Variants in KIF26B observed in about 807,000 individuals in gnomAD.
KIF26B encodes kinesin family member 26B.
A neutral mutation model predicts 151.2 loss-of-function variants in KIF26B; 63 were observed. The observed-to-expected ratio is 0.42, with a 90% CI of 0.34 to 0.51. The LOEUF is 0.51. KIF26B is among the 20% of genes least tolerant of loss of function. KIF26B has a pLI of 0.07. For missense variants in KIF26B, 2,813 were observed against 2,913.6 expected (o/e 0.97, Z 0.79); for synonymous variants, 1,357 against 1,262.1 (o/e 1.08, Z -1.59).
At chr1:245,670,167 T>C (rs1028629685) in intron 10 of KIF26B, among the ~76,000 whole-genome samples, 2 of 150,696 alleles carry the variant, frequency 1.3e-5, no homozygotes, top group African/African-American at 4.9e-5. Context: ...AACATTATCT[T>C]TAGAAGAACA....
chr1:245,702,248 A>G lies in KIF26B; in HGVS notation c.6179-210A>G, dbSNP rs2044782636. Among the ~76,000 whole-genome samples, 1 of 152,160 alleles carries G rather than the reference A, an allele frequency of 6.6e-6. No homozygotes were observed. The highest frequency in any genetic ancestry group is 2.4e-5 in the African/African-American group (1 of 41,430). The stretch of plus-strand genomic sequence containing the variant: ...TCAGTAGAATCTCAGAAAAAACCTT[A>G]AGGATCTAAATACTGGTAAAGAGTG... On this transcript the variant is annotated intron_variant, in intron 14 of 14. Coordinates refer to ENST00000407071, the MANE Select transcript of KIF26B (RefSeq NM_018012.4). The surrounding 1 kb of genome is among the most constrained non-coding windows in gnomAD (Gnocchi z 4.1).
rs1201884178 is a variant in KIF26B, at chr1:245,167,206, G to A, written c.465+10523G>A. On this transcript the variant is annotated intron_variant, in intron 2 of 14. Transcript: ENST00000407071. This position sits in a 1 kb window ranked among gnomAD's most constrained non-coding sequence, Gnocchi z 4.2. ...TAATTGTTTTTTTTTTTGCTTGAAA[G>A]CATGAGCTGCAAATAATAAATTAAA... Among the ~76,000 whole-genome samples the A allele has an allele frequency of 6.6e-6, 1 of 151,286 alleles. No individual in the cohort carries two copies. Among genetic ancestry groups the A allele is most frequent in the Admixed American group, 6.6e-5 (1 of 15,224 alleles).
chr1:245,283,367 T>C (rs762565455), intron 2 of KIF26B, among the ~76,000 whole-genome samples: 34 of 152,166 alleles, frequency 2.2e-4, no homozygotes, highest in Non-Finnish European at 3.8e-4. Context: ...TCACACCCCA[T>C]ATGCTTTCTT....
intron 5 of KIF26B, among the ~76,000 whole-genome samples, chr1:245,557,970 C>T (rs931833316): frequency 2.2e-4 from 33 of 152,120 alleles, no homozygotes; most frequent in African/African-American, 7.2e-4. Flanking sequence ...CTGGATACTG[C>T]GAACGCCCTT....
In KIF26B at chr1:245,529,113, C is replaced by T. The variant is rs188988179; in HGVS notation, c.1167-11654C>T. On this transcript the variant is annotated intron_variant, in intron 4 of 14. Transcript: ENST00000407071. Reference sequence around the variant, plus strand: ...TTAGTCATTAGTAAGGCCGCTCCATCGGAGTCCCCGTCATACAAAATATTA... The same window carrying T: ...TTAGTCATTAGTAAGGCCGCTCCATTGGAGTCCCCGTCATACAAAATATTA... 7.0e-4 allele frequency among the ~76,000 whole-genome samples: 106 copies of T among 152,212 alleles called. No individual in the cohort carries two copies. The South Asian group carries it at 0.019, about 27-fold the overall frequency.
intron 4 of KIF26B, among the ~76,000 whole-genome samples, chr1:245,531,641 G>A (rs1661363635): frequency 6.6e-6 from 1 of 152,242 alleles, no homozygotes; most frequent in Admixed American, 6.5e-5. Flanking sequence ...CTCCAGCAGG[G>A]CACAGAGCCA....
intron 5 of KIF26B, among the ~76,000 whole-genome samples, chr1:245,576,890 T>A (rs746734468): frequency 1.9e-4 from 29 of 152,176 alleles, no homozygotes; most frequent in Non-Finnish European, 3.8e-4. Flanking sequence ...ACCTTGTTGA[T>A]AAAATGCCAT....
At chr1:245,260,633 C>T (rs1670616708) in intron 2 of KIF26B, among the ~76,000 whole-genome samples, 1 of 152,198 alleles carries the variant, frequency 6.6e-6, no homozygotes, top group Admixed American at 6.5e-5. Flanking sequence ...GGTGGAATTT[C>T]CTTCCTTTGA....
intron 6 of KIF26B, among the ~76,000 whole-genome samples, chr1:245,605,670 T>C (rs1441581530): frequency 6.6e-6 from 1 of 152,094 alleles, no homozygotes; most frequent in African/African-American, 2.4e-5. Context: ...ATGGGGGCTG[T>C]GCTCGAGAAG....
intron 5 of KIF26B, among the ~76,000 whole-genome samples, chr1:245,578,595 C>T (rs10157959): frequency 2.3e-3 from 350 of 152,314 alleles, no homozygotes; most frequent in African/African-American, 8.1e-3. Flanking sequence ...ATGTAATTTC[C>T]AGGGATTTCA....
intron 2 of KIF26B, among the ~76,000 whole-genome samples, chr1:245,156,903 G>A (rs1483809840): frequency 2.0e-5 from 3 of 152,194 alleles, no homozygotes; most frequent in Non-Finnish European, 4.4e-5. Context: ...ACCGAGTCCC[G>A]AGCGCGAAGG....
intron 2 of KIF26B, among the ~76,000 whole-genome samples, chr1:245,252,136 T>C (rs1049730806): frequency 6.6e-6 from 1 of 151,244 alleles, no homozygotes. Context: ...ATTAGCTGGA[T>C]GTGGTGGTGC....
chr1:245,442,562 T>TC (rs1659131966), intron 4 of KIF26B, among the ~76,000 whole-genome samples: 1 of 152,110 alleles, frequency 6.6e-6, no homozygotes, highest in Non-Finnish European at 1.5e-5. Flanking sequence ...TCAGGCAAAA[T>TC]CCGGTGGACA....
chr1:245,603,575 T>A (rs1362098641), intron 6 of KIF26B, among the ~76,000 whole-genome samples: 1 of 152,024 alleles, frequency 6.6e-6, no homozygotes, highest in Non-Finnish European at 1.5e-5. Context: ...TCTTTGGGGG[T>A]TGGCTGGCCT....
At chr1:245,182,062 T>TA (rs1668917583) in intron 2 of KIF26B, among the ~76,000 whole-genome samples, 1 of 152,184 alleles carries the variant, frequency 6.6e-6, no homozygotes, top group Admixed American at 6.5e-5. Context: ...CATTCTTCTA[T>TA]AAAAAATGGC....
At chr1:245,460,048 C>T (rs1213319178) in intron 4 of KIF26B, among the ~76,000 whole-genome samples, 1 of 152,118 alleles carries the variant, frequency 6.6e-6, no homozygotes. Flanking sequence ...GGCATGGTAT[C>T]GTCTCACTAC....
At chr1:245,220,884 C>G (rs10924122) in intron 2 of KIF26B, among the ~76,000 whole-genome samples, 77,728 of 151,774 alleles carry the variant, frequency 0.51, 22,403 homozygotes, top group Non-Finnish European at 0.64. Context: ...TCACACGGCT[C>G]CACTGTCCTC....
At chr1:245,212,656 C>T (rs1241964844) in intron 2 of KIF26B, among the ~76,000 whole-genome samples, 2 of 141,676 alleles carry the variant, frequency 1.4e-5, no homozygotes, top group African/African-American at 2.5e-5. Flanking sequence ...AGCGAGTTTC[C>T]CCTTGGTTTT....
At chr1:245,412,828 A>C (rs146331399) in intron 3 of KIF26B, among the ~76,000 whole-genome samples, 1 of 152,314 alleles carries the variant, frequency 6.6e-6, no homozygotes, top group Non-Finnish European at 1.5e-5. Context: ...GCAGACTTTC[A>C]CTGCTCGTTA....
Sources: gnomAD v4.1 joint callset for allele counts (sites outside exome capture counted in the v4.1 genomes callset) on GRCh38, gnomAD v4.1.1 for gene constraint, Gnocchi (gnomAD v3.1) non-coding constraint, MANE v1.5 for transcripts, NCBI Gene and HGNC (gene_info 2026-07-23, HGNC 2026-07-21) for gene names.